NXN: variants seen among roughly 807,000 people sequenced by gnomAD.
NXN encodes the protein nucleoredoxin.
A neutral mutation model predicts 48.6 loss-of-function variants in NXN; 16 were observed. The ratio of observed to expected loss-of-function variants is 0.33; its 90% CI spans 0.22 to 0.50. The LOEUF is 0.50. Among genes scored for constraint, NXN ranks in the 20% least tolerant of loss-of-function variants. The pLI is 0.98. For synonymous variants in NXN, 281 were observed against 269.6 expected, an observed-to-expected ratio of 1.04 and a Z score of -0.41; for missense variants, 492 against 605.5, an observed-to-expected ratio of 0.81 and a Z score of 1.97.
intron 1 of NXN, among the ~76,000 whole-genome samples, chr17:855,390 G>A (rs1342751281): frequency 1.3e-5 from 2 of 152,174 alleles, no homozygotes; most frequent in Non-Finnish European, 1.5e-5. Context: ...TTTGCTCAGG[G>A]TTACAAGCAG....
In NXN at chr17:830,511, G is replaced by T. The variant is rs143303656; in HGVS notation, c.361-4433C>A. Among the ~76,000 whole-genome samples, 1 of 152,156 alleles carries T rather than the reference G, an allele frequency of 6.6e-6. No homozygotes were observed. The highest frequency in any genetic ancestry group is 1.5e-5 in the Non-Finnish European group (1 of 68,044). On this transcript the variant is annotated intron_variant, in intron 1 of 7. Coordinates refer to ENST00000336868, the MANE Select transcript of NXN (RefSeq NM_022463.5). This position sits in a 1 kb window ranked among gnomAD's most constrained non-coding sequence, Gnocchi z 4.2. ...AAATGGAACAAGCCACAGGCACGCCGCGGGAGGCCACCTGAGGCCCAAGAG... is the reference window on the plus strand; with the variant it reads ...AAATGGAACAAGCCACAGGCACGCCTCGGGAGGCCACCTGAGGCCCAAGAG...
chr17:876,623 A>C (rs979086038), intron 1 of NXN, among the ~76,000 whole-genome samples: 1 of 152,224 alleles, frequency 6.6e-6, no homozygotes, highest in Admixed American at 6.5e-5. Flanking sequence ...GGAGCTCAAC[A>C]GCGCTGTTAG....
intron 1 of NXN, among the ~76,000 whole-genome samples, chr17:906,750 G>C (rs1339825726): frequency 1.4e-5 from 2 of 146,402 alleles, no homozygotes; most frequent in Non-Finnish European, 3.0e-5. Flanking sequence ...TTTTTTTTTA[G>C]TGGAAATCGG....
chr17:938,640 C>T (rs558873302), intron 1 of NXN, among the ~76,000 whole-genome samples: 1 of 151,966 alleles, frequency 6.6e-6, no homozygotes, highest in African/African-American at 2.4e-5. Flanking sequence ...GCCGAGATTG[C>T]GCCACTGCAC....
At position 919,598 on chromosome 17, in the gene NXN, C is replaced by T. The variant is rs904018625; in HGVS notation, c.360+59721G>A. ...GTATCGTGGGTTACAGAACCTACGT[C>T]GTCCTCGGAATCCCCGCATTCGTCC... On this transcript the variant is annotated intron_variant, in intron 1 of 7. Coordinates refer to ENST00000336868, the MANE Select transcript of NXN (RefSeq NM_022463.5). The surrounding 1 kb of genome is among the most constrained non-coding windows in gnomAD (Gnocchi z 5.1). Among the ~76,000 whole-genome samples the T allele has an allele frequency of 2.0e-5, 3 of 152,086 alleles. No individual in the cohort carries two copies. Among genetic ancestry groups the T allele is most frequent in the East Asian group, 3.9e-4 (2 of 5,190 alleles).
At chr17:864,564 C>G (rs1262974154) in intron 1 of NXN, among the ~76,000 whole-genome samples, 1 of 152,186 alleles carries the variant, frequency 6.6e-6, no homozygotes, top group East Asian at 1.9e-4. Flanking sequence ...TCGGTGAGAC[C>G]AACATGAGTG....
Position 848,177 on chromosome 17 carries a change from G to A in NXN, c.361-22099C>T, listed in dbSNP as rs372210338. Among the ~76,000 whole-genome samples the A allele has an allele frequency of 1.2e-4, 18 of 151,682 alleles. No homozygotes were observed. In the East Asian group the frequency reaches 2.1e-3, roughly 18 times the overall value. ...TTTTGAGACGGAGTCCTGCCGTGTCGCCCACGCTGGAGTGCAATGGCACGA... is the reference window on the plus strand; with the variant it reads ...TTTTGAGACGGAGTCCTGCCGTGTCACCCACGCTGGAGTGCAATGGCACGA... On this transcript the variant is annotated intron_variant, in intron 1 of 7. Transcript: ENST00000336868.
chr17:827,764 G>T (rs867973160), intron 1 of NXN, among the ~76,000 whole-genome samples: 20 of 152,248 alleles, frequency 1.3e-4, no homozygotes, highest in Non-Finnish European at 1.2e-4. Flanking sequence ...GTCCCGGCAG[G>T]AAGGCTACGC....
intron 1 of NXN, among the ~76,000 whole-genome samples, chr17:953,891 G>A (rs376642672): frequency 8.5e-5 from 13 of 152,248 alleles, no homozygotes; most frequent in African/African-American, 2.4e-4. Flanking sequence ...GGCCATGACC[G>A]TGCCACTGCA....
chr17:828,210 T>C (rs1913240739), intron 1 of NXN, among the ~76,000 whole-genome samples: 1 of 151,560 alleles, frequency 6.6e-6, no homozygotes, highest in Non-Finnish European at 1.5e-5. Flanking sequence ...TTCAAACAAT[T>C]CCCCTGCCTC....
intron 1 of NXN, among the ~76,000 whole-genome samples, chr17:839,527 C>G (rs1046282990): frequency 9.9e-5 from 15 of 151,636 alleles, no homozygotes; most frequent in African/African-American, 3.6e-4. Flanking sequence ...AGAAAAAGTG[C>G]CAGGTATGCA....
At chr17:818,523 A>C (rs1425421495) in intron 5 of NXN, among the ~76,000 whole-genome samples, 8 of 152,200 alleles carry the variant, frequency 5.3e-5, no homozygotes, top group Non-Finnish European at 1.2e-4. Context: ...TCTCTTTCAC[A>C]GTAAACCTTT....
intron 1 of NXN, among the ~76,000 whole-genome samples, chr17:902,670 G>A (rs1161213046): frequency 2.0e-5 from 3 of 151,806 alleles, no homozygotes; most frequent in Non-Finnish European, 2.9e-5. Flanking sequence ...CAAGCACCAC[G>A]ACAGCCCCTC....
At chr17:876,105 T>G (rs2644705) in intron 1 of NXN, among the ~76,000 whole-genome samples, 18 of 151,360 alleles carry the variant, frequency 1.2e-4, no homozygotes, top group South Asian at 2.1e-4. Context: ...CGCTTGAACC[T>G]GGGGGGGTGG....
rs1913035240 is a variant in NXN at position 825,219 on chromosome 17, GAGA to G, written c.478+739_478+741del. Among the ~76,000 whole-genome samples the G allele has an allele frequency of 1.5e-5, 1 of 67,386 alleles. No homozygotes were observed. The allele number at this position is 67,386 out of a possible 152,430, so 44.2% of individuals were successfully genotyped here. A position where few individuals can be genotyped will look rare whatever the true frequency, so the allele number is the denominator to read the frequency against. On this transcript the variant is annotated intron_variant, in intron 2 of 7. Coordinates refer to ENST00000336868, the MANE Select transcript of NXN (RefSeq NM_022463.5). The surrounding 1 kb of genome is among the most constrained non-coding windows in gnomAD (Gnocchi z 4.1). ...GCGACAGAGGGAGATAGTGTCTCAA[GAGA>G]AAAAAAAAAAAAAAAAAGAAAAGCT...
At chr17:852,038 C>T (rs73975573) in intron 1 of NXN, among the ~76,000 whole-genome samples, 4,515 of 152,280 alleles carry the variant, frequency 0.03, 232 homozygotes, top group African/African-American at 0.1. Context: ...GTCTCAGGAA[C>T]GGCCCTGCCA....
chr17:835,091 A>G (rs369691972), intron 1 of NXN, among the ~76,000 whole-genome samples: 8,399 of 150,714 alleles, frequency 0.056, 287 homozygotes, highest in African/African-American at 0.091. Flanking sequence ...GGCGGATCAC[A>G]AGGTCAGGAG....
At position 951,174 on chromosome 17, in the gene NXN, T is replaced by TAAA. The variant is rs1567516128; in HGVS notation, c.360+28144_360+28145insTTT. ...CAACATGGTGAAACCCTGTCTCTAC[T>TAAA]TAAAAAAAAAAAAAAAAAAAAAAAA... On this transcript the variant is annotated intron_variant, in intron 1 of 7. Transcript: ENST00000336868. Among the ~76,000 whole-genome samples, 488 of 67,518 alleles carry TAAA rather than the reference T, an allele frequency of 7.2e-3. 172 individuals are homozygous for TAAA. The highest frequency in any genetic ancestry group is 0.031 in the Middle Eastern group (3 of 96). The allele number at this position is 67,518 out of a possible 152,430, so 44.3% of individuals were successfully genotyped here. A position where few individuals can be genotyped will look rare whatever the true frequency, so the allele number is the denominator to read the frequency against.
At chr17:868,701 C>T (rs990847924) in intron 1 of NXN, among the ~76,000 whole-genome samples, 1 of 152,084 alleles carries the variant, frequency 6.6e-6, no homozygotes, top group Non-Finnish European at 1.5e-5. Flanking sequence ...ACCACGTTAG[C>T]CAGGATGGTC....
Sources: gnomAD v4.1 joint callset for allele counts (sites outside exome capture counted in the v4.1 genomes callset) on GRCh38, gnomAD v4.1.1 for gene constraint, Gnocchi (gnomAD v3.1) non-coding constraint, MANE v1.5 for transcripts, NCBI Gene and HGNC (gene_info 2026-07-23, HGNC 2026-07-21) for gene names.